TAF4: variants seen among roughly 807,000 people sequenced by gnomAD.
TAF4 encodes transcription initiation factor TFIID subunit 4.
Under a neutral mutation model 90.3 loss-of-function variants are expected in TAF4, and 9 were observed. That is an observed-to-expected ratio of 0.10 (90% CI 0.06 to 0.17). TAF4 has a LOEUF of 0.17. Among genes scored for constraint, TAF4 ranks in the 10% least tolerant of loss-of-function variants. TAF4 has a pLI of 1.00. For synonymous variants in TAF4, 818 were observed against 638.9 expected (o/e 1.28, Z -4.23); for missense variants, 1,351 against 1,370.7 (o/e 0.99, Z 0.23).
At chr20:62,035,296 T>C (rs549767769) in intron 1 of TAF4, among the ~76,000 whole-genome samples, 2 of 152,320 alleles carry the variant, frequency 1.3e-5, no homozygotes, top group Admixed American at 6.5e-5. Flanking sequence ...TTACCTCTAG[T>C]AGATATCAAG....
chr20:61,989,246 A>C (rs2055615826), intron 14 of TAF4, among the ~76,000 whole-genome samples: 2 of 152,260 alleles, frequency 1.3e-5, no homozygotes, highest in East Asian at 3.9e-4. Flanking sequence ...GGCCCCAGCA[A>C]TCAGCACACC....
intron 1 of TAF4, among the ~76,000 whole-genome samples, chr20:62,028,406 A>AT (rs2055886041): frequency 6.6e-6 from 1 of 152,084 alleles, no homozygotes; most frequent in African/African-American, 2.4e-5. Flanking sequence ...TTACATGCAG[A>AT]TTTTTTTCAA....
intron 1 of TAF4, among the ~76,000 whole-genome samples, chr20:62,061,628 A>ATCACCTTTTTCTTCTT (rs1348574158): frequency 6.6e-6 from 1 of 152,194 alleles, no homozygotes; most frequent in Non-Finnish European, 1.5e-5. Flanking sequence ...TGGGTGTCAA[A>ATCACCTTTTTCTTCTT]TCACCTTTTT....
chr20:62,057,546 G>A (rs1349975799), intron 1 of TAF4, among the ~76,000 whole-genome samples: 2 of 152,218 alleles, frequency 1.3e-5, no homozygotes, highest in Admixed American at 6.5e-5. Context: ...AAGATGCCAC[G>A]TGTGCCTTCC....
intron 1 of TAF4, among the ~76,000 whole-genome samples, chr20:62,018,631 A>G (rs1200784304): frequency 1.3e-5 from 2 of 152,194 alleles, no homozygotes; most frequent in African/African-American, 4.8e-5. Context: ...CTCCCCAGAG[A>G]GAGCCACGTG....
rs147850585 is a variant in TAF4, at chr20:62,008,995, G to A, written c.1884+57C>T. On this transcript the variant is annotated intron_variant, in intron 5 of 14. Transcript: ENST00000252996. ...GGCACAGGTCACAGCAGCAACAGGT[G>A]TCTGTCCTATGCAACAGGCTTTAGG... 305 of 1,580,070 alleles carry A rather than the reference G, an allele frequency of 1.9e-4. 1 individual carries two copies. In the African/African-American group the frequency reaches 3.9e-3, roughly 20 times the overall value.
chr20:62,052,638 T>C (rs1410535518), intron 1 of TAF4, among the ~76,000 whole-genome samples: 1 of 151,812 alleles, frequency 6.6e-6, no homozygotes, highest in African/African-American at 2.4e-5. Flanking sequence ...AAGTGTCCCA[T>C]GGCTTGAACA....
chr20:62,007,469 G>A lies in TAF4; in HGVS notation c.1974+78C>T, dbSNP rs550646023. On this transcript the variant is annotated intron_variant, in intron 6 of 14. Coordinates refer to ENST00000252996, the MANE Select transcript of TAF4 (RefSeq NM_003185.4). ...CACCCTCCGTGCCTGGAGCATCCTC[G>A]CCCTGCACACTTGGTGCATCTGCGC... The A allele has an allele frequency of 2.0e-3, 2,785 of 1,405,722 alleles. 4 individuals are homozygous for A. The highest frequency in any genetic ancestry group is 2.6e-3 in the Non-Finnish European group (2,602 of 995,696). 87.1% of individuals were successfully genotyped at this position (1,405,722 alleles called of 1,614,324 possible).
At chr20:62,041,537 G>A (rs2055963771) in intron 1 of TAF4, among the ~76,000 whole-genome samples, 1 of 152,080 alleles carries the variant, frequency 6.6e-6, no homozygotes, top group African/African-American at 2.4e-5. Context: ...GCTGAGACAG[G>A]AGAATTGCTT....
chr20:62,064,292 G>A, intron 1 of TAF4, 159 bp downstream of exon 1: 2 of 821,716 alleles, frequency 2.4e-6, no homozygotes, highest in Non-Finnish European at 3.3e-6. Flanking sequence ...AGCCACCCGG[G>A]CTGGCCCCGC....
intron 1 of TAF4, among the ~76,000 whole-genome samples, chr20:62,052,117 C>T (rs1175883473): frequency 6.6e-6 from 1 of 152,158 alleles, no homozygotes; most frequent in Admixed American, 6.5e-5. Context: ...GCACCGCAGA[C>T]GTGCCCAGGC....
rs914027360 is a variant in TAF4, at chr20:62,006,349, G to C, written c.2223+161C>G. On this transcript the variant is annotated intron_variant, in intron 7 of 14. Transcript: ENST00000252996. This position sits in a 1 kb window ranked among gnomAD's most constrained non-coding sequence, Gnocchi z 7.0. Reference sequence around the variant, plus strand: ...CAACATCCCAGGGCCTCAACCTCTGGTTTCTATTTTAACTATTTAAGGTAA... The same window carrying C: ...CAACATCCCAGGGCCTCAACCTCTGCTTTCTATTTTAACTATTTAAGGTAA... The C allele has an allele frequency of 9.9e-7, 1 of 1,008,164 alleles. No individual in the cohort carries two copies. Among genetic ancestry groups the C allele is most frequent in the East Asian group, 3.3e-5 (1 of 30,694 alleles). The allele number at this position is 1,008,164 out of a possible 1,614,324, so 62.5% of individuals were successfully genotyped here.
intron 2 of TAF4, among the ~76,000 whole-genome samples, chr20:62,013,286 G>A (rs147663245): frequency 2.7e-3 from 417 of 152,326 alleles, no homozygotes; most frequent in Non-Finnish European, 4.2e-3. Flanking sequence ...AGTCAGTGTC[G>A]CAAAGGGGTA....
chr20:62,048,156 G>A (rs1246403550), intron 1 of TAF4, among the ~76,000 whole-genome samples: 1 of 152,192 alleles, frequency 6.6e-6, no homozygotes, highest in African/African-American at 2.4e-5. Context: ...CTGTGGCTGC[G>A]ACATACCTAG....
At chr20:62,054,216 G>A (rs370019652) in intron 1 of TAF4, among the ~76,000 whole-genome samples, 3 of 152,336 alleles carry the variant, frequency 2.0e-5, no homozygotes, top group African/African-American at 7.2e-5. Context: ...GCATGAAGGA[G>A]GCGGCCTGAA....
intron 1 of TAF4, among the ~76,000 whole-genome samples, chr20:62,033,011 C>CG (rs965559280): frequency 4.6e-5 from 7 of 151,310 alleles, no homozygotes; most frequent in Admixed American, 1.3e-4. Flanking sequence ...ATGATGGATG[C>CG]GGGGGGAAAA....
At chr20:62,023,315 C>T (rs2055854406) in intron 1 of TAF4, among the ~76,000 whole-genome samples, 1 of 151,496 alleles carries the variant, frequency 6.6e-6, no homozygotes, top group Admixed American at 6.6e-5. Context: ...TGGTGGTGCA[C>T]CCCTGTAGTG....
rs2055491314 is a variant in TAF4, at chr20:61,975,921, T to A, written c.*247A>T. 2.0e-6 allele frequency: 1 copy of A among 504,044 alleles called. No individual in the cohort carries two copies. Among genetic ancestry groups the A allele is most frequent in the South Asian group, 2.8e-5 (1 of 35,768 alleles). 31.2% of individuals were successfully genotyped at this position (504,044 alleles called of 1,614,324 possible). ...CCATCAGTCTTTATATATGGCTTGT[T>A]TGGCAGGAAGGCCACTCAATCAAGA... On this transcript the variant is annotated 3_prime_UTR_variant, in exon 15 of 15. Transcript: ENST00000252996.
At chr20:62,023,710 T>C (rs1219970438) in intron 1 of TAF4, among the ~76,000 whole-genome samples, 1 of 124,824 alleles carries the variant, frequency 8.0e-6, no homozygotes, top group Non-Finnish European at 1.5e-5. Flanking sequence ...ACCATGCCAC[T>C]GCACTCCAGC....
Sources: gnomAD v4.1 joint callset for allele counts (sites outside exome capture counted in the v4.1 genomes callset) on GRCh38, gnomAD v4.1.1 for gene constraint, Gnocchi (gnomAD v3.1) non-coding constraint, MANE v1.5 for transcripts, NCBI Gene and HGNC (gene_info 2026-07-23, HGNC 2026-07-21) for gene names.